Variants in ZFYVE28 observed in about 807,000 individuals in gnomAD.
ZFYVE28 encodes the protein zinc finger FYVE-type containing 28, also known as lateral signaling target protein 2 homolog.
A neutral mutation model predicts 82.1 loss-of-function variants in ZFYVE28; 40 were observed. That is an observed-to-expected ratio of 0.49 (90% confidence interval 0.38 to 0.63). ZFYVE28 has a LOEUF of 0.63. ZFYVE28 is among the 30% of genes least tolerant of loss of function. The pLI is 0.00. For missense variants in ZFYVE28, 1,321 were observed against 1,242.1 expected, an observed-to-expected ratio of 1.06 and a Z score of -0.96; for synonymous variants, 612 against 546.1, an observed-to-expected ratio of 1.12 and a Z score of -1.68.
chr4:2,320,347 C>T lies in ZFYVE28; in HGVS notation c.702-76G>A. 1 of 1,346,534 alleles carries T rather than the reference C, an allele frequency of 7.4e-7. No homozygotes were observed. The highest frequency in any genetic ancestry group is 1.0e-6 in the Non-Finnish European group (1 of 965,538). The allele number at this position is 1,346,534 out of a possible 1,614,324, so 83.4% of individuals were successfully genotyped here. A position where few individuals can be genotyped will look rare whatever the true frequency, so the allele number is the denominator to read the frequency against. On this transcript the variant is annotated intron_variant, in intron 6 of 12. Transcript: ENST00000290974. The surrounding 1 kb of genome is among the most constrained non-coding windows in gnomAD (Gnocchi z 5.1). Reference sequence around the variant, plus strand: ...TGCCGCGGACGGCCCAACTTAACCACCTGCGAAAACCACGCCCGCTGGGAC... The same window carrying T: ...TGCCGCGGACGGCCCAACTTAACCATCTGCGAAAACCACGCCCGCTGGGAC...
At chr4:2,369,479 T>C (rs1727261768) in intron 1 of ZFYVE28, among the ~76,000 whole-genome samples, 1 of 152,124 alleles carries the variant, frequency 6.6e-6, no homozygotes, top group South Asian at 2.1e-4. Context: ...GGTCAAATGG[T>C]GGTCCCCTTG....
intron 8 of ZFYVE28, among the ~76,000 whole-genome samples, chr4:2,290,529 C>A (rs1577920679): frequency 6.6e-6 from 1 of 152,228 alleles, no homozygotes. Context: ...TCACTGATGG[C>A]CCCCAGGAGA....
At chr4:2,298,483 A>G (rs1216513100) in intron 8 of ZFYVE28, among the ~76,000 whole-genome samples, 1 of 152,202 alleles carries the variant, frequency 6.6e-6, no homozygotes, top group African/African-American at 2.4e-5. Flanking sequence ...GATATCCCTC[A>G]GTGTCTGTCA....
chr4:2,338,696 G>A (rs369353681), intron 4 of ZFYVE28, among the ~76,000 whole-genome samples: 3 of 152,230 alleles, frequency 2.0e-5, no homozygotes, highest in Non-Finnish European at 2.9e-5. Context: ...TCGACTGTCC[G>A]TGCTCTTGCT....
chr4:2,372,669 A>G lies in ZFYVE28; in HGVS notation c.40-18596T>C, dbSNP rs1309098417. Among the ~76,000 whole-genome samples the G allele has an allele frequency of 1.3e-5, 2 of 152,122 alleles. No homozygotes were observed. The highest frequency in any genetic ancestry group is 2.4e-5 in the African/African-American group (1 of 41,430). Reference sequence around the variant, plus strand: ...GGCCTGCGGCTGGGCACGGGTGGGCACTGGCTGTCACTCCCTCCGCAGAGG... The same window carrying G: ...GGCCTGCGGCTGGGCACGGGTGGGCGCTGGCTGTCACTCCCTCCGCAGAGG... On this transcript the variant is annotated intron_variant, in intron 1 of 12. Coordinates refer to ENST00000290974, the MANE Select transcript of ZFYVE28 (RefSeq NM_020972.3). This position sits in a 1 kb window ranked among gnomAD's most constrained non-coding sequence, Gnocchi z 5.2.
intron 6 of ZFYVE28, among the ~76,000 whole-genome samples, chr4:2,327,514 G>C (rs553221847): frequency 6.6e-6 from 1 of 151,508 alleles, no homozygotes; most frequent in East Asian, 1.9e-4. Flanking sequence ...GTTAGCTGTG[G>C]GCTTCTTGTT....
intron 2 of ZFYVE28, among the ~76,000 whole-genome samples, chr4:2,346,209 G>C (rs760219498): frequency 6.6e-6 from 1 of 150,682 alleles, no homozygotes; most frequent in African/African-American, 2.5e-5. Flanking sequence ...GGGCGTGGTG[G>C]TGGGCGCCTA....
intron 2 of ZFYVE28, among the ~76,000 whole-genome samples, chr4:2,346,957 G>C (rs1319352075): frequency 1.3e-5 from 2 of 151,988 alleles, no homozygotes; most frequent in Admixed American, 1.3e-4. Flanking sequence ...AAACAAAAAT[G>C]ATCTAAAAAC....
chr4:2,289,205 C>T (rs1458035605), intron 8 of ZFYVE28, among the ~76,000 whole-genome samples: 2 of 152,154 alleles, frequency 1.3e-5, no homozygotes, highest in African/African-American at 2.4e-5. Context: ...TTGCTTTAAC[C>T]TGGGAGGCAG....
At chr4:2,334,923 G>A (rs139643341) in intron 6 of ZFYVE28, among the ~76,000 whole-genome samples, 1,749 of 144,266 alleles carry the variant, frequency 0.012, 51 homozygotes, top group African/African-American at 0.041. Context: ...CCGCCCCCGT[G>A]ACCATCCGCC....
At chr4:2,298,200 TGGGA>T (rs757208449) in intron 8 of ZFYVE28, among the ~76,000 whole-genome samples, 11 of 148,234 alleles carry the variant, frequency 7.4e-5, no homozygotes, top group Non-Finnish European at 1.3e-4. Context: ...CAGGCTGTGC[TGGGA>T]GGAACAGCAG....
chr4:2,340,866 A>C (rs1357245811), intron 3 of ZFYVE28, among the ~76,000 whole-genome samples: 1 of 151,928 alleles, frequency 6.6e-6, no homozygotes, highest in Non-Finnish European at 1.5e-5. Context: ...ATTCCTAGAA[A>C]GGGGAGGCGG....
chr4:2,386,843 G>A (rs1014025461), intron 1 of ZFYVE28, among the ~76,000 whole-genome samples: 7 of 152,358 alleles, frequency 4.6e-5, no homozygotes, highest in Non-Finnish European at 8.8e-5. Flanking sequence ...CCCGCTGCGC[G>A]CCTGCTGAGG....
At chr4:2,307,477 A>G (rs1218769535) in intron 7 of ZFYVE28, among the ~76,000 whole-genome samples, 4 of 152,142 alleles carry the variant, frequency 2.6e-5, no homozygotes, top group South Asian at 4.1e-4. Flanking sequence ...GTTCTCCTTG[A>G]TATTTTCCTC....
intron 8 of ZFYVE28, among the ~76,000 whole-genome samples, chr4:2,301,769 G>A (rs1056107929): frequency 6.6e-5 from 10 of 152,134 alleles, no homozygotes; most frequent in African/African-American, 1.2e-4. Flanking sequence ...GGAGAAAAAC[G>A]ATCCATTGCC....
At chr4:2,383,457 C>T (rs2354518) in intron 1 of ZFYVE28, among the ~76,000 whole-genome samples, 95,375 of 151,954 alleles carry the variant, frequency 0.63, 30,822 homozygotes, top group East Asian at 0.79. Flanking sequence ...CGTGGAACTA[C>T]AAGTCTAATT....
intron 1 of ZFYVE28, among the ~76,000 whole-genome samples, chr4:2,378,918 A>T (rs979853272): frequency 2.0e-5 from 3 of 152,204 alleles, no homozygotes; most frequent in Non-Finnish European, 2.9e-5. Context: ...AAACCACCTT[A>T]GACTCCCACA....
chr4:2,323,971 G>T (rs547442693), intron 6 of ZFYVE28, among the ~76,000 whole-genome samples: 14 of 151,900 alleles, frequency 9.2e-5, no homozygotes, highest in Non-Finnish European at 2.1e-4. Context: ...TTTTAATTTT[G>T]ATGAAGTCCA....
intron 1 of ZFYVE28, among the ~76,000 whole-genome samples, chr4:2,367,662 A>G (rs1338952822): frequency 6.6e-6 from 1 of 152,260 alleles, no homozygotes; most frequent in Non-Finnish European, 1.5e-5. Context: ...AGAGAACCCC[A>G]CAGTGGGCAG....
Sources: allele counts gnomAD v4.1 joint callset (sites outside exome capture counted in the v4.1 genomes callset), GRCh38; gene constraint gnomAD v4.1.1; non-coding constraint Gnocchi (gnomAD v3.1); transcripts MANE v1.5; gene names NCBI Gene and HGNC (gene_info 2026-07-23, HGNC 2026-07-21).